The following SCIMP variants were observed in gnomAD, a reference collection of about 807,000 sequenced individuals.
The protein encoded by SCIMP is SLP adapter and CSK-interacting membrane protein.
Under a neutral mutation model 22.0 loss-of-function variants are expected in SCIMP, and 18 were observed. The observed-to-expected ratio is 0.82, with a 90% CI of 0.56 to 1.21. The LOEUF (loss-of-function observed/expected upper bound fraction) is 1.21, where lower values mean the gene tolerates loss of function less well. SCIMP is among the 50% of genes most tolerant of loss of function. SCIMP has a pLI of 0.00. For missense variants in SCIMP, 155 were observed against 171.2 expected (o/e 0.91, Z 0.53); for synonymous variants, 53 against 62.2 (o/e 0.85, Z 0.70).
At chr17:5,216,451 A>C (rs2074566128) in intron 3 of SCIMP, among the ~76,000 whole-genome samples, 1 of 152,188 alleles carries the variant, frequency 6.6e-6, no homozygotes, top group African/African-American at 2.4e-5. Flanking sequence ...GCAGATCATG[A>C]GGTCAGGAGA....
chr17:5,226,729 G>A (rs192744137), intron 1 of SCIMP, among the ~76,000 whole-genome samples: 6 of 151,878 alleles, frequency 4.0e-5, no homozygotes, highest in East Asian at 3.9e-4. Flanking sequence ...GGCTGGTCTC[G>A]AACTCCTGAC....
intron 1 of SCIMP, among the ~76,000 whole-genome samples, chr17:5,229,545 C>T (rs1169885507): frequency 6.6e-6 from 1 of 151,756 alleles, no homozygotes; most frequent in Non-Finnish European, 1.5e-5. Context: ...AGTCGCACGC[C>T]ACCATGCCCG....
chr17:5,210,491 T>C lies in SCIMP; in HGVS notation c.*310A>G. 1 of 254,886 alleles carries C rather than the reference T, an allele frequency of 3.9e-6. No homozygotes were observed. The highest frequency in any genetic ancestry group is 7.5e-6 in the Non-Finnish European group (1 of 133,946). 15.8% of individuals were successfully genotyped at this position (254,886 alleles called of 1,614,324 possible). ...TGAAGGGGGAAAGAATGCCAAGAAATGAGTAGTTTCCCACAGGTGGGAGCC... is the reference window on the plus strand; with the variant it reads ...TGAAGGGGGAAAGAATGCCAAGAAACGAGTAGTTTCCCACAGGTGGGAGCC... On this transcript the variant is annotated 3_prime_UTR_variant, in exon 5 of 5. Transcript: ENST00000574081.
chr17:5,219,115 C>T (rs942860628), intron 3 of SCIMP, among the ~76,000 whole-genome samples: 4 of 150,772 alleles, frequency 2.7e-5, no homozygotes, highest in Non-Finnish European at 5.9e-5. Flanking sequence ...GTTAGGAGTT[C>T]GAGACCAGCC....
chr17:5,226,221 C>T (rs955735459), intron 1 of SCIMP, among the ~76,000 whole-genome samples: 1 of 152,130 alleles, frequency 6.6e-6, no homozygotes, highest in African/African-American at 2.4e-5. Flanking sequence ...ATAAACTCTG[C>T]ATTACTTGAT....
At chr17:5,230,554 G>A (rs2074685794) in intron 1 of SCIMP, among the ~76,000 whole-genome samples, 1 of 152,174 alleles carries the variant, frequency 6.6e-6, no homozygotes, top group African/African-American at 2.4e-5. Flanking sequence ...GAGTGAACCC[G>A]AGGGCTAGAT....
chr17:5,217,753 T>A (rs1237863509), intron 3 of SCIMP, among the ~76,000 whole-genome samples: 3 of 152,092 alleles, frequency 2.0e-5, no homozygotes, highest in Admixed American at 6.6e-5. Context: ...CATCATTTTT[T>A]ATGGCTGCAT....
chr17:5,214,835 A>T, intron 4 of SCIMP, 90 bp downstream of exon 4: 1 of 636,914 alleles, frequency 1.6e-6, no homozygotes, highest in Non-Finnish European at 2.6e-6. Flanking sequence ...GCAAGACTCC[A>T]TCTAAAAAAA....
chr17:5,215,842 A>G (rs982009992), intron 3 of SCIMP, among the ~76,000 whole-genome samples: 1 of 152,118 alleles, frequency 6.6e-6, no homozygotes, highest in African/African-American at 2.4e-5. Context: ...CAGACACATA[A>G]AATTTGCCAT....
intron 3 of SCIMP, among the ~76,000 whole-genome samples, chr17:5,219,006 C>G (rs113252159): frequency 2.0e-5 from 3 of 152,086 alleles, no homozygotes; most frequent in Non-Finnish European, 2.9e-5. Flanking sequence ...TCTCTAAACC[C>G]TTGGAATATT....
intron 1 of SCIMP, among the ~76,000 whole-genome samples, chr17:5,232,616 A>G (rs2074711217): frequency 6.6e-6 from 1 of 152,104 alleles, no homozygotes; most frequent in Non-Finnish European, 1.5e-5. Flanking sequence ...GAGAACATTT[A>G]GGCCGGTTGG....
intron 4 of SCIMP, among the ~76,000 whole-genome samples, chr17:5,211,785 C>T (rs551593047): frequency 2.6e-5 from 4 of 152,032 alleles, no homozygotes; most frequent in African/African-American, 4.8e-5. Flanking sequence ...GGCTGGGGCG[C>T]GGTGGCTTAT....
At chr17:5,231,882 G>A (rs899986734) in intron 1 of SCIMP, among the ~76,000 whole-genome samples, 1 of 152,126 alleles carries the variant, frequency 6.6e-6, no homozygotes, top group Non-Finnish European at 1.5e-5. Context: ...ATGAAACCCT[G>A]TCTCTACTTA....
intron 1 of SCIMP, among the ~76,000 whole-genome samples, chr17:5,223,916 C>G (rs190197882): frequency 6.6e-6 from 1 of 152,272 alleles, no homozygotes; most frequent in East Asian, 1.9e-4. Context: ...ACAGCCATAC[C>G]CTACTCATTA....
intron 3 of SCIMP, chr17:5,215,294 G>A (rs552858358): frequency 1.0e-5 from 3 of 287,068 alleles, no homozygotes; most frequent in South Asian, 5.5e-5. Flanking sequence ...ATTCGGAGAG[G>A]TAGGCACCAG....
chr17:5,217,512 T>G (rs1171192313), intron 3 of SCIMP, among the ~76,000 whole-genome samples: 2 of 151,682 alleles, frequency 1.3e-5, no homozygotes, highest in African/African-American at 4.8e-5. Context: ...GCTGCACCCA[T>G]TAACTCGTCA....
chr17:5,234,681 A>G, intron 1 of SCIMP, 54 bp downstream of exon 1: 1 of 1,592,726 alleles, frequency 6.3e-7, no homozygotes, highest in African/African-American at 1.3e-5. Flanking sequence ...GCGCTGGCAG[A>G]TGTCTGCTGT....
At chr17:5,232,139 A>C (rs1054619984) in intron 1 of SCIMP, among the ~76,000 whole-genome samples, 4 of 151,906 alleles carry the variant, frequency 2.6e-5, no homozygotes, top group African/African-American at 9.7e-5. Context: ...TATCAAGAGG[A>C]GGAGCTGATA....
rs1026709318 is a variant in SCIMP, at chr17:5,209,346, C to A, written c.*1455G>T. ...ATGGGGTTTCTCCATGTTGGTCAGG[C>A]TGGTCTCGAACTCCCGACCTCAGGT... On this transcript the variant is annotated 3_prime_UTR_variant, in exon 5 of 5. Coordinates refer to ENST00000574081, the MANE Select transcript of SCIMP (RefSeq NM_207103.3). 2 of 152,186 alleles carry A rather than the reference C, an allele frequency of 1.3e-5. No individual in the cohort carries two copies. Among genetic ancestry groups the A allele is most frequent in the African/African-American group, 4.8e-5 (2 of 41,416 alleles). The allele number at this position is 152,186 out of a possible 1,614,324, so 9.4% of individuals were successfully genotyped here.
Sources: allele counts gnomAD v4.1 joint callset (sites outside exome capture counted in the v4.1 genomes callset), GRCh38; gene constraint gnomAD v4.1.1; transcripts MANE v1.5; gene names NCBI Gene and HGNC (gene_info 2026-07-23, HGNC 2026-07-21).